The following GRIA1 variants were observed in gnomAD, a reference collection of about 807,000 sequenced individuals.
GRIA1 encodes glutamate receptor 1.
Under a neutral mutation model 99.2 loss-of-function variants are expected in GRIA1, and 31 were observed. The ratio of observed to expected loss-of-function variants is 0.31; its 90% CI spans 0.23 to 0.42. The LOEUF is 0.42. Ranked by LOEUF, GRIA1 falls within the 10% of genes least tolerant of loss-of-function variation. The pLI, the probability that GRIA1 is intolerant of heterozygous loss-of-function variation, is 1.00. For synonymous variants in GRIA1, 438 were observed against 432.4 expected (o/e 1.01, Z -0.16); for missense variants, 782 against 1,157.5 (o/e 0.68, Z 4.71).
At chr5:153,800,110 A>C (rs1765911449) in intron 14 of GRIA1, among the ~76,000 whole-genome samples, 1 of 152,178 alleles carries the variant, frequency 6.6e-6, no homozygotes, top group Admixed American at 6.5e-5. Context: ...TTGGCTATTG[A>C]AAGACTGATC....
chr5:153,517,378 C>T (rs1756726312), intron 2 of GRIA1, among the ~76,000 whole-genome samples: 1 of 152,094 alleles, frequency 6.6e-6, no homozygotes, highest in African/African-American at 2.4e-5. Context: ...TTGTGGGGAG[C>T]AGAACATTTG....
chr5:153,584,703 T>A (rs1426832046), intron 2 of GRIA1, among the ~76,000 whole-genome samples: 1 of 152,230 alleles, frequency 6.6e-6, no homozygotes, highest in Non-Finnish European at 1.5e-5. Context: ...AATGGAAATA[T>A]GAAGCCTGTT....
chr5:153,574,385 G>C (rs1331229652), intron 2 of GRIA1: 4 of 152,050 alleles, frequency 2.6e-5, no homozygotes, highest in Non-Finnish European at 1.5e-5. Flanking sequence ...AGTGCCTGGA[G>C]ATATAGGTAA....
chr5:153,802,797 C>CT (rs1271739913), intron 15 of GRIA1, among the ~76,000 whole-genome samples: 2 of 152,162 alleles, frequency 1.3e-5, no homozygotes, highest in African/African-American at 4.8e-5. Context: ...AGAGTGATGG[C>CT]TACCAAGGCT....
intron 2 of GRIA1, among the ~76,000 whole-genome samples, chr5:153,540,234 C>T (rs10036589): frequency 0.12 from 18,960 of 152,212 alleles, 1,249 homozygotes; most frequent in Middle Eastern, 0.14. Flanking sequence ...AAAGGCTTAG[C>T]GAGATCTCTT....
At chr5:153,514,991 C>G (rs748717356) in intron 2 of GRIA1, among the ~76,000 whole-genome samples, 1 of 151,908 alleles carries the variant, frequency 6.6e-6, no homozygotes, top group East Asian at 1.9e-4. Flanking sequence ...AAAAGGAAAC[C>G]CTTGTATACT....
At chr5:153,588,336 G>A (rs966317550) in intron 2 of GRIA1, among the ~76,000 whole-genome samples, 2 of 152,080 alleles carry the variant, frequency 1.3e-5, no homozygotes, top group Non-Finnish European at 2.9e-5. Context: ...GTGTATGCAC[G>A]CACTTCCCCC....
At chr5:153,620,352 T>C (rs1766919050) in intron 2 of GRIA1, among the ~76,000 whole-genome samples, 1 of 152,062 alleles carries the variant, frequency 6.6e-6, no homozygotes, top group Non-Finnish European at 1.5e-5. Flanking sequence ...AGATTCTACT[T>C]GAGACAATGC....
At chr5:153,581,754 CTT>C (rs10710677) in intron 2 of GRIA1, among the ~76,000 whole-genome samples, 10,654 of 139,384 alleles carry the variant, frequency 0.076, 502 homozygotes, top group African/African-American at 0.14. Context: ...TTTCTTTTCT[CTT>C]TTTTTTTTTT....
intron 7 of GRIA1, among the ~76,000 whole-genome samples, chr5:153,681,150 T>A (rs1168020522): frequency 6.6e-6 from 1 of 152,158 alleles, no homozygotes; most frequent in Non-Finnish European, 1.5e-5. Flanking sequence ...AGAGACAGTA[T>A]GTCACGTAGT....
rs567439920 is a variant in GRIA1 at position 153,596,386 on chromosome 5, T to C, written c.221-50542T>C. On this transcript the variant is annotated intron_variant, in intron 2 of 15. Coordinates refer to ENST00000285900, the MANE Select transcript of GRIA1 (RefSeq NM_000827.4). ...TTTCAAAATCCAACAAACAATTCCA[T>C]TGTTTATACATTGTGGCTTCCAGCT... Among the ~76,000 whole-genome samples the C allele has an allele frequency of 3.9e-5, 6 of 152,364 alleles. No homozygotes were observed. The East Asian group carries it at 9.6e-4, about 24-fold the overall frequency.
chr5:153,795,235 C>T (rs368432973), intron 14 of GRIA1, among the ~76,000 whole-genome samples: 3 of 152,014 alleles, frequency 2.0e-5, no homozygotes, highest in Non-Finnish European at 2.9e-5. Flanking sequence ...AGATGGTAGA[C>T]GTTGCTGGTT....
At chr5:153,759,230 C>T (rs956576007) in intron 11 of GRIA1, among the ~76,000 whole-genome samples, 12 of 147,048 alleles carry the variant, frequency 8.2e-5, no homozygotes, top group Non-Finnish European at 1.8e-4. Flanking sequence ...AAGACCAGAA[C>T]AGAAATAAAT....
chr5:153,718,111 G>A (rs1273396052), intron 11 of GRIA1, among the ~76,000 whole-genome samples: 2 of 152,230 alleles, frequency 1.3e-5, no homozygotes, highest in Non-Finnish European at 2.9e-5. Context: ...CTTGCATTAG[G>A]CACAAGGCTA....
chr5:153,500,371 T>A (rs1754879853), intron 2 of GRIA1, among the ~76,000 whole-genome samples: 1 of 152,130 alleles, frequency 6.6e-6, no homozygotes, highest in Non-Finnish European at 1.5e-5. Flanking sequence ...ACAGCATTAG[T>A]TGATTACAGA....
chr5:153,664,897 A>T (rs1471000215), intron 5 of GRIA1, among the ~76,000 whole-genome samples: 1 of 152,220 alleles, frequency 6.6e-6, no homozygotes, highest in African/African-American at 2.4e-5. Context: ...TCATCAAAAG[A>T]TGGGCATGCT....
At chr5:153,492,356 T>C (rs938761302) in intron 1 of GRIA1, 23 of 1,479,994 alleles carry the variant, frequency 1.6e-5, no homozygotes, top group Non-Finnish European at 1.9e-5. Context: ...CTTCCTGCCT[T>C]CAGGGGAGAC....
At chr5:153,718,343 C>T (rs1431704529) in intron 11 of GRIA1, among the ~76,000 whole-genome samples, 5 of 152,108 alleles carry the variant, frequency 3.3e-5, no homozygotes, top group Non-Finnish European at 7.4e-5. Flanking sequence ...AAAGGAGAAA[C>T]TTGGGCTGGT....
chr5:153,807,430 G>A (rs1445101532), intron 15 of GRIA1, among the ~76,000 whole-genome samples: 2 of 152,332 alleles, frequency 1.3e-5, no homozygotes, highest in Admixed American at 6.5e-5. Context: ...GGCCTGTCCT[G>A]ATAAAAGAAT....
Sources: allele counts gnomAD v4.1 joint callset (sites outside exome capture counted in the v4.1 genomes callset), GRCh38; gene constraint gnomAD v4.1.1; transcripts MANE v1.5; gene names NCBI Gene and HGNC (gene_info 2026-07-23, HGNC 2026-07-21).